The following DGKG variants were observed in gnomAD, a reference collection of about 807,000 sequenced individuals.
DGKG encodes the protein DAG kinase gamma.
A neutral mutation model predicts 105.3 loss-of-function variants in DGKG; 78 were observed. The ratio of observed to expected loss-of-function variants is 0.74; its 90% confidence interval spans 0.62 to 0.89. DGKG has a LOEUF of 0.89. Among genes scored for constraint, DGKG ranks in the 40% least tolerant of loss-of-function variants. The pLI, the probability that DGKG is intolerant of heterozygous loss-of-function variation, is 0.00. For missense variants in DGKG, 958 were observed against 1,020.1 expected, an observed-to-expected ratio of 0.94 and a Z score of 0.83; for synonymous variants, 346 against 367.1, an observed-to-expected ratio of 0.94 and a Z score of 0.66.
intron 22 of DGKG, among the ~76,000 whole-genome samples, chr3:186,172,648 A>T (rs186211813): frequency 6.6e-6 from 1 of 152,382 alleles, no homozygotes; most frequent in East Asian, 1.9e-4. Context: ...CGGGAGGGGT[A>T]TGCATCTGAT....
rs535979694 is a variant in DGKG, at chr3:186,148,494, C to T, written c.*1596G>A. 2.4e-5 allele frequency: 24 copies of T among 985,446 alleles called. No individual in the cohort carries two copies. In the East Asian group the frequency reaches 9.1e-4, roughly 37 times the overall value. 61.0% of individuals were successfully genotyped at this position (985,446 alleles called of 1,614,324 possible). A position where few individuals can be genotyped will look rare whatever the true frequency, so the allele number is the denominator to read the frequency against. ...TTCTTGTGTGGGGATATCCCATCCA[C>T]GCATGTGCTGTACGTTTGTTCCTCC... On this transcript the variant is annotated 3_prime_UTR_variant, in exon 25 of 25. Transcript: ENST00000265022.
intron 14 of DGKG, among the ~76,000 whole-genome samples, chr3:186,263,672 C>A (rs1721899141): frequency 7.5e-6 from 1 of 134,182 alleles, no homozygotes; most frequent in Non-Finnish European, 1.6e-5. Flanking sequence ...TTTTTTTTTA[C>A]TTTCTTAGAT....
rs761020370 is a variant in DGKG, at chr3:186,190,241, T to C, written c.1918-1862A>G. On this transcript the variant is annotated intron_variant, in intron 21 of 24. Transcript: ENST00000265022. The stretch of plus-strand genomic sequence containing the variant: ...GTTGTGCCACCTCTGGACTGTCAAC[T>C]CTCTTCATCTTCTCCCATGAGACTT... 5.6e-4 allele frequency among the ~76,000 whole-genome samples: 85 copies of C among 152,162 alleles called. 1 individual carries two copies. The highest frequency in any genetic ancestry group is 9.1e-4 in the Non-Finnish European group (62 of 68,032).
chr3:186,355,699 T>A (rs1048590857), intron 1 of DGKG, among the ~76,000 whole-genome samples: 6 of 147,660 alleles, frequency 4.1e-5, no homozygotes, highest in African/African-American at 1.5e-4. Context: ...ATTATCACCA[T>A]CACCAGCACC....
chr3:186,303,013 A>G (rs1724052616), intron 3 of DGKG, among the ~76,000 whole-genome samples: 1 of 152,162 alleles, frequency 6.6e-6, no homozygotes, highest in Non-Finnish European at 1.5e-5. Context: ...AGCTAGCAGC[A>G]GAGTGAAACC....
Position 186,161,603 on chromosome 3 carries a change from C to T in DGKG, c.2277G>A (p.Thr759=), listed in dbSNP as rs149298788. The change falls in exon 24 of 25, where the codon ACG becomes ACA. Residue 759 remains threonine (T), a splice_region_variant and synonymous_variant. Coordinates refer to ENST00000265022, the MANE Select transcript of DGKG (RefSeq NM_001346.3). ...CATCTCAAAGATTGGCAAGACTCAC[C>T]GTGCAACATGGCTGCATCCAGGGTT... ...DGEPWMQPCC[T]IKITHKNQAP... 229 of 1,614,154 alleles carry T rather than the reference C, an allele frequency of 1.4e-4. 2 individuals are homozygous for T. The East Asian group carries it at 2.8e-3, about 20-fold the overall frequency.
intron 3 of DGKG, among the ~76,000 whole-genome samples, chr3:186,302,741 A>G (rs1724041233): frequency 6.6e-6 from 1 of 151,788 alleles, no homozygotes; most frequent in African/African-American, 2.4e-5. Flanking sequence ...AGTCAGTGTT[A>G]TATAAGAGGT....
At chr3:186,297,070 A>T (rs13314919) in intron 5 of DGKG, among the ~76,000 whole-genome samples, 184 of 115,786 alleles carry the variant, frequency 1.6e-3, no homozygotes, top group African/African-American at 5.4e-3. Context: ...TGTCTCTCTC[A>T]CACACACACA....
chr3:186,268,247 C>A (rs1722149607), intron 12 of DGKG, among the ~76,000 whole-genome samples: 2 of 152,194 alleles, frequency 1.3e-5, no homozygotes, highest in Admixed American at 1.3e-4. Flanking sequence ...GGGAGAAGGA[C>A]AAGAGCTGGC....
At chr3:186,304,999 G>A (rs1035600523) in intron 3 of DGKG, among the ~76,000 whole-genome samples, 2 of 152,218 alleles carry the variant, frequency 1.3e-5, no homozygotes, top group African/African-American at 4.8e-5. Context: ...TAGAGTCATT[G>A]AATTTGAAAG....
chr3:186,211,914 A>G (rs1359857333), intron 20 of DGKG, 29 bp from the exon 21 acceptor site: 7 of 1,558,056 alleles, frequency 4.5e-6, no homozygotes, highest in Non-Finnish European at 2.7e-6. Flanking sequence ...AGATGTCTCA[A>G]TATTCCATAC....
Position 186,149,580 on chromosome 3 carries a change from C to T in DGKG, c.*510G>A, listed in dbSNP as rs1715659162. 1.0e-6 allele frequency: 1 copy of T among 985,752 alleles called. No individual in the cohort carries two copies. Among genetic ancestry groups the T allele is most frequent in the Non-Finnish European group, 1.2e-6 (1 of 830,008 alleles). The allele number at this position is 985,752 out of a possible 1,614,324, so 61.1% of individuals were successfully genotyped here. A position where few individuals can be genotyped will look rare whatever the true frequency, so the allele number is the denominator to read the frequency against. On this transcript the variant is annotated 3_prime_UTR_variant, in exon 25 of 25. Transcript: ENST00000265022. The stretch of plus-strand genomic sequence containing the variant: ...CCAACGTGCGCCTGCTGAGCCCTGC[C>T]AAGGATTATGCTCTGAGAGCCGGAG...
At chr3:186,247,833 G>A (rs1721016779) in intron 19 of DGKG, among the ~76,000 whole-genome samples, 1 of 152,058 alleles carries the variant, frequency 6.6e-6, no homozygotes, top group Admixed American at 6.6e-5. Context: ...GTTCATAATT[G>A]GAAAGATGAA....
intron 2 of DGKG, 121 bp from the exon 3 acceptor site, chr3:186,307,098 G>T: frequency 1.4e-6 from 1 of 691,794 alleles, no homozygotes; most frequent in East Asian, 2.6e-5. Context: ...AGAAAATCTG[G>T]AGAAATGTCA....
At chr3:186,299,991 C>T (rs868697965) in intron 3 of DGKG, among the ~76,000 whole-genome samples, 1 of 152,124 alleles carries the variant, frequency 6.6e-6, no homozygotes, top group Middle Eastern at 3.4e-3. Context: ...GCACGTGCCA[C>T]CATGCCCGGC....
At chr3:186,209,125 G>A (rs572935885) in intron 21 of DGKG, among the ~76,000 whole-genome samples, 122 of 116,826 alleles carry the variant, frequency 1.0e-3, no homozygotes, top group Admixed American at 2.0e-3. Context: ...TTAAGACGGC[G>A]TCTTTCTCTG....
At chr3:186,317,278 C>T (rs1458338660) in intron 2 of DGKG, among the ~76,000 whole-genome samples, 2 of 152,232 alleles carry the variant, frequency 1.3e-5, no homozygotes, top group Admixed American at 6.5e-5. Context: ...AAGCCTCATT[C>T]TCCAGCCTCT....
At chr3:186,189,059 C>T (rs964383299) in intron 21 of DGKG, among the ~76,000 whole-genome samples, 11 of 152,092 alleles carry the variant, frequency 7.2e-5, no homozygotes, top group South Asian at 4.2e-4. Context: ...TTGATCCGCC[C>T]GCCTCAGCCT....
chr3:186,162,351 C>T (rs1203770369), intron 23 of DGKG, among the ~76,000 whole-genome samples: 1 of 152,234 alleles, frequency 6.6e-6, no homozygotes, highest in African/African-American at 2.4e-5. Flanking sequence ...GCAGGTGCTC[C>T]TCAAACAGTC....
Sources: gnomAD v4.1 joint callset for allele counts (sites outside exome capture counted in the v4.1 genomes callset) on GRCh38, gnomAD v4.1.1 for gene constraint, MANE v1.5 for transcripts, NCBI Gene and HGNC (gene_info 2026-07-23, HGNC 2026-07-21) for gene names.